The following SHC3 variants were observed in gnomAD, a reference collection of about 807,000 sequenced individuals.
SHC3 encodes the protein SHC-transforming protein 3.
Under a neutral mutation model 60.4 loss-of-function variants are expected in SHC3, and 15 were observed. The observed-to-expected ratio is 0.25, with a 90% CI of 0.17 to 0.38. The LOEUF is 0.38. Ranked by LOEUF, SHC3 falls within the 10% of genes least tolerant of loss-of-function variation. The probability of loss-of-function intolerance (pLI) is 1.00; values close to 1 mark genes in which losing one functional copy is unlikely to be tolerated. For synonymous variants in SHC3, 294 were observed against 325.9 expected (o/e 0.90, Z 1.05); for missense variants, 677 against 786.1 (o/e 0.86, Z 1.66).
intron 2 of SHC3, among the ~76,000 whole-genome samples, chr9:89,083,432 G>A: frequency 6.6e-6 from 1 of 152,164 alleles, no homozygotes; most frequent in East Asian, 1.9e-4. Flanking sequence ...CAGAATCCCG[G>A]GATAAGGCAG....
At chr9:89,051,959 G>C in intron 7 of SHC3, 78 bp downstream of exon 7, 2 of 1,577,346 alleles carry the variant, frequency 1.3e-6, no homozygotes, top group African/African-American at 2.7e-5. Context: ...CCAGAACACA[G>C]CTCAGGGATG....
intron 1 of SHC3, among the ~76,000 whole-genome samples, chr9:89,177,603 G>C (rs1826959892): frequency 6.6e-6 from 1 of 152,188 alleles, no homozygotes; most frequent in Admixed American, 6.5e-5. Flanking sequence ...TCCTCCCGGG[G>C]GCTGCCCAGC....
chr9:89,141,352 C>T (rs564298178), intron 1 of SHC3, among the ~76,000 whole-genome samples: 3 of 152,198 alleles, frequency 2.0e-5, no homozygotes, highest in African/African-American at 4.8e-5. Flanking sequence ...CAGAACAATA[C>T]AGAAAGACAC....
chr9:89,073,813 A>G (rs1207937628), intron 4 of SHC3, among the ~76,000 whole-genome samples: 1 of 152,242 alleles, frequency 6.6e-6, no homozygotes, highest in Non-Finnish European at 1.5e-5. Context: ...TAAAAGGTCC[A>G]GGAGACATAG....
chr9:89,071,400 G>T, intron 4 of SHC3, 148 bp from the exon 5 acceptor site: 1 of 749,696 alleles, frequency 1.3e-6, no homozygotes, highest in Non-Finnish European at 2.2e-6. Context: ...AAAAGTAATA[G>T]CAATAGATCA....
At chr9:89,098,767 C>T (rs993201622) in intron 2 of SHC3, among the ~76,000 whole-genome samples, 3 of 151,404 alleles carry the variant, frequency 2.0e-5, no homozygotes, top group Admixed American at 6.6e-5. Flanking sequence ...GCTGAGATTG[C>T]GCCACTGCAC....
At chr9:89,045,885 C>A (rs976537400) in intron 8 of SHC3, 52 bp from the exon 9 acceptor site, 3 of 1,582,660 alleles carry the variant, frequency 1.9e-6, no homozygotes, top group South Asian at 1.1e-5. Flanking sequence ...CTTCTCATTT[C>A]ACCACTTTTG....
intron 11 of SHC3, among the ~76,000 whole-genome samples, chr9:89,028,248 G>A (rs1826353382): frequency 1.3e-5 from 2 of 152,056 alleles, no homozygotes; most frequent in South Asian, 4.2e-4. Flanking sequence ...TTCTGATACT[G>A]GGGACAGACT....
chr9:89,150,193 G>C (rs926231195), intron 1 of SHC3, among the ~76,000 whole-genome samples: 1 of 152,042 alleles, frequency 6.6e-6, no homozygotes, highest in Non-Finnish European at 1.5e-5. Flanking sequence ...GCACGTATGG[G>C]GTTCAGTATT....
At chr9:89,135,248 C>G (rs79608074) in intron 1 of SHC3, among the ~76,000 whole-genome samples, 3,903 of 152,176 alleles carry the variant, frequency 0.026, 72 homozygotes, top group Non-Finnish European at 0.041. Flanking sequence ...GGCCTCATAC[C>G]TTTTCTACAG....
chr9:89,144,046 T>A (rs1380008800), intron 1 of SHC3, among the ~76,000 whole-genome samples: 5 of 152,144 alleles, frequency 3.3e-5, no homozygotes, highest in Non-Finnish European at 7.3e-5. Context: ...CAAGGATCTA[T>A]CCATAAAAGG....
intron 11 of SHC3, among the ~76,000 whole-genome samples, chr9:89,017,361 G>C (rs1015238164): frequency 2.6e-5 from 4 of 152,126 alleles, no homozygotes; most frequent in African/African-American, 9.7e-5. Flanking sequence ...ACAACCATCT[G>C]ATCTTTGACA....
chr9:89,022,992 G>A (rs992977620), intron 11 of SHC3, among the ~76,000 whole-genome samples: 2 of 152,152 alleles, frequency 1.3e-5, no homozygotes, highest in Non-Finnish European at 2.9e-5. Context: ...CAAGAACTGA[G>A]GTCTCACAAC....
chr9:89,162,378 C>A (rs1219210683), intron 1 of SHC3, among the ~76,000 whole-genome samples: 14 of 152,092 alleles, frequency 9.2e-5, no homozygotes, highest in Non-Finnish European at 1.5e-4. Flanking sequence ...CAGCATGGTA[C>A]TGGTGACAAA....
At chr9:89,044,625 AAAGACATTCTTAAAGGATTAGATTGAG>A (rs1824742170) in intron 9 of SHC3, among the ~76,000 whole-genome samples, 1 of 152,234 alleles carries the variant, frequency 6.6e-6, no homozygotes, top group Non-Finnish European at 1.5e-5. Flanking sequence ...GTTAAAATTA[AAAGACATTCTTAAAGGATTAGATTGAG>A]ATATGAATAC....
intron 1 of SHC3, among the ~76,000 whole-genome samples, chr9:89,131,167 A>G (rs1826239014): frequency 6.6e-6 from 1 of 152,224 alleles, no homozygotes; most frequent in Non-Finnish European, 1.5e-5. Context: ...GGAGAAATTG[A>G]CAAATTCCTG....
chr9:89,166,077 C>T (rs894969644), intron 1 of SHC3, among the ~76,000 whole-genome samples: 23 of 152,164 alleles, frequency 1.5e-4, no homozygotes, highest in Non-Finnish European at 2.8e-4. Context: ...GCCACGCAGG[C>T]GCACTCTGCT....
chr9:89,006,875 T>G lies in SHC3; in HGVS notation c.*6572A>C, dbSNP rs537094973. 2.0e-5 allele frequency: 3 copies of G among 152,352 alleles called. No individual in the cohort carries two copies. The highest frequency in any genetic ancestry group is 7.2e-5 in the African/African-American group (3 of 41,590). 9.4% of individuals were successfully genotyped at this position (152,352 alleles called of 1,614,324 possible). On this transcript the variant is annotated 3_prime_UTR_variant, in exon 12 of 12. Transcript: ENST00000375835. ...TTTATCCATTAATGCCTGTTTTAAT[T>G]GTCACTTGATTTTGATGGTTAGAAA...
At position 89,129,825 on chromosome 9, in the gene SHC3, A is replaced by T. The variant is rs538935233; in HGVS notation, c.475-17199T>A. On this transcript the variant is annotated intron_variant, in intron 1 of 11. Transcript: ENST00000375835. ...AACATGCCAAATTGTAAAGACCATC[A>T]ATGATAGGAAGAAACTGCATCAACT... Among the ~76,000 whole-genome samples, 3 of 152,288 alleles carry T rather than the reference A, an allele frequency of 2.0e-5. No individual in the cohort carries two copies. In the South Asian group the frequency reaches 6.2e-4, roughly 32 times the overall value.
Sources: allele counts gnomAD v4.1 joint callset (sites outside exome capture counted in the v4.1 genomes callset), GRCh38; gene constraint gnomAD v4.1.1; transcripts MANE v1.5; gene names NCBI Gene and HGNC (gene_info 2026-07-23, HGNC 2026-07-21).